The following ARSG variants were observed in gnomAD, a reference collection of about 807,000 sequenced individuals.
ARSG encodes the protein arylsulfatase G.
ARSG carries 37 observed loss-of-function variants against 50.5 expected under a neutral mutation model. The ratio of observed to expected loss-of-function variants is 0.73; its 90% CI spans 0.56 to 0.96. The LOEUF is 0.96. Among genes scored for constraint, ARSG ranks in the 50% least tolerant of loss-of-function variants. The probability of loss-of-function intolerance (pLI) is 0.00; values close to 1 mark genes in which losing one functional copy is unlikely to be tolerated. For missense variants in ARSG, 629 were observed against 675.3 expected, an observed-to-expected ratio of 0.93 and a Z score of 0.76; for synonymous variants, 225 against 254.6, an observed-to-expected ratio of 0.88 and a Z score of 1.11.
intron 10 of ARSG, among the ~76,000 whole-genome samples, chr17:68,397,675 CAT>C (rs2147182139): frequency 6.6e-6 from 1 of 152,282 alleles, no homozygotes; most frequent in East Asian, 1.9e-4. Flanking sequence ...TACATGTATG[CAT>C]ATGTGTGCAT....
intron 1 of ARSG, among the ~76,000 whole-genome samples, chr17:68,274,880 A>G (rs535574670): frequency 6.6e-6 from 1 of 151,778 alleles, no homozygotes; most frequent in Admixed American, 6.6e-5. Context: ...TCCTGGGTTC[A>G]ACTGATTCTC....
At chr17:68,398,108 T>G (rs899995033) in intron 10 of ARSG, among the ~76,000 whole-genome samples, 1 of 152,216 alleles carries the variant, frequency 6.6e-6, no homozygotes, top group African/African-American at 2.4e-5. Flanking sequence ...TATTCATGTA[T>G]GCATATCCAC....
chr17:68,430,598 A>G, the ARSG span, among the ~76,000 whole-genome samples: 3 of 152,198 alleles, frequency 2.0e-5, no homozygotes, highest in Admixed American at 2.0e-4. Context: ...AGTGGGTAGC[A>G]AACCTCCGGG....
intron 8 of ARSG, 91 bp downstream of exon 8, chr17:68,370,615 A>T (rs773229651): frequency 1.3e-5 from 15 of 1,159,374 alleles, no homozygotes; most frequent in Admixed American, 1.9e-5. Context: ...GGGACAACTT[A>T]TATCTGGGCC....
intron 1 of ARSG, among the ~76,000 whole-genome samples, chr17:68,273,296 C>T (rs550869911): frequency 1.3e-5 from 2 of 151,966 alleles, no homozygotes; most frequent in African/African-American, 2.4e-5. Context: ...GGAGCCTTGA[C>T]CTCCCAGGCT....
the ARSG span, among the ~76,000 whole-genome samples, chr17:68,438,185 G>A: frequency 6.6e-6 from 1 of 152,146 alleles, no homozygotes; most frequent in South Asian, 2.1e-4. Context: ...CTTATCACTT[G>A]CCATGCATAG....
chr17:68,405,440 C>G (rs377743002), intron 11 of ARSG, among the ~76,000 whole-genome samples: 5 of 152,000 alleles, frequency 3.3e-5, no homozygotes, highest in Admixed American at 3.3e-4. Context: ...CTTTTTGATG[C>G]CATTGTAAAT....
chr17:68,327,784 G>A (rs2077567117), intron 2 of ARSG, among the ~76,000 whole-genome samples: 1 of 152,180 alleles, frequency 6.6e-6, no homozygotes, highest in South Asian at 2.1e-4. Flanking sequence ...TAGGTAGGTT[G>A]AGCCAGAGCA....
Position 68,323,162 on chromosome 17 carries a change from T to C in ARSG, c.218+15451T>C, listed in dbSNP as rs536307836. On this transcript the variant is annotated intron_variant, in intron 2 of 11. Transcript: ENST00000621439. ...TCGAATTAACATCTAGTTGGTGCCA[T>C]ATCCTATCAGTGTGACTTATAAATT... Among the ~76,000 whole-genome samples, 89 of 152,264 alleles carry C rather than the reference T, an allele frequency of 5.8e-4. 1 individual carries two copies. The highest frequency in any genetic ancestry group is 1.5e-3 in the South Asian group (7 of 4,824).
chr17:68,416,671 CTT>C (rs886446869), intron 11 of ARSG, among the ~76,000 whole-genome samples: 13 of 152,228 alleles, frequency 8.5e-5, no homozygotes, highest in Middle Eastern at 3.4e-3. Flanking sequence ...TTTTCTTATT[CTT>C]TTTCCTTTGT....
chr17:68,268,817 T>G (rs1483849476), intron 1 of ARSG: 1 of 430,608 alleles, frequency 2.3e-6, no homozygotes, highest in Non-Finnish European at 4.0e-6. Flanking sequence ...TCTTTCTACA[T>G]ATCTCTTGTA....
chr17:68,337,726 T>C (rs1235499467), intron 2 of ARSG, among the ~76,000 whole-genome samples: 1 of 152,170 alleles, frequency 6.6e-6, no homozygotes, highest in Non-Finnish European at 1.5e-5. Flanking sequence ...CCAGTGATTC[T>C]CCTGCCTCAG....
chr17:68,451,421 A>G, the ARSG span, among the ~76,000 whole-genome samples: 2 of 152,228 alleles, frequency 1.3e-5, no homozygotes, highest in Admixed American at 1.3e-4. Context: ...GCGACAAGCA[A>G]GACTCCGTCT....
intron 2 of ARSG, among the ~76,000 whole-genome samples, chr17:68,339,144 C>T (rs1211131749): frequency 2.0e-5 from 3 of 151,890 alleles, no homozygotes; most frequent in Non-Finnish European, 2.9e-5. Context: ...CACTTTGTAG[C>T]CGGGCGTGGT....
At chr17:68,397,537 CAA>C (rs1189231597) in intron 10 of ARSG, among the ~76,000 whole-genome samples, 1 of 152,038 alleles carries the variant, frequency 6.6e-6, no homozygotes, top group Non-Finnish European at 1.5e-5. Context: ...TCTATCAAAG[CAA>C]AGTCATAGAC....
the ARSG span, among the ~76,000 whole-genome samples, chr17:68,451,961 C>T: frequency 6.6e-6 from 1 of 152,126 alleles, no homozygotes; most frequent in Admixed American, 6.5e-5. Context: ...GCAAAAAATT[C>T]ACAAAAATGG....
In ARSG at chr17:68,401,424, A is replaced by G; in HGVS notation, c.1277A>G (p.Glu426Gly). The G allele has an allele frequency of 1.2e-6, 2 of 1,614,016 alleles. No homozygotes were observed. The highest frequency in any genetic ancestry group is 1.7e-6 in the Non-Finnish European group (2 of 1,179,900). ...GGAGCCCTGCAGACTGTCCGCCTGG[A>G]GCGTTACAAGGCCTTCTACATTACC... Reference protein sequence around the residue: ...EFGALQTVRLERYKAFYITGG... With the variant: ...EFGALQTVRLGRYKAFYITGG... The change falls in exon 11 of 12, where the codon GAG (glutamate) becomes GGG (glycine). Residue 426 changes from glutamate to glycine, a missense_variant. Transcript: ENST00000621439.
At chr17:68,283,287 G>A (rs1568416581) in intron 1 of ARSG, among the ~76,000 whole-genome samples, 1 of 151,488 alleles carries the variant, frequency 6.6e-6, no homozygotes. Context: ...TTGGGAGGCC[G>A]AGGCAGGCGA....
chr17:68,270,722 C>T (rs576557835), intron 1 of ARSG: 4 of 907,536 alleles, frequency 4.4e-6, no homozygotes, highest in African/African-American at 3.4e-5. Flanking sequence ...CCTGGCAGCT[C>T]TAAAATTCAA....
Sources: allele counts gnomAD v4.1 joint callset (sites outside exome capture counted in the v4.1 genomes callset), GRCh38; gene constraint gnomAD v4.1.1; transcripts MANE v1.5; gene names NCBI Gene and HGNC (gene_info 2026-07-23, HGNC 2026-07-21).